The following PCM1 variants were observed in gnomAD, a reference collection of about 807,000 sequenced individuals.
PCM1 encodes pericentriolar material 1 protein.
PCM1 carries 157 observed loss-of-function variants against 241.9 expected under a neutral mutation model. That is an observed-to-expected ratio of 0.65 (90% CI 0.57 to 0.74). The LOEUF (loss-of-function observed/expected upper bound fraction) is 0.74. Ranked by LOEUF, PCM1 falls within the 30% of genes least tolerant of loss-of-function variation. The probability of loss-of-function intolerance (pLI) is 0.00; values close to 1 mark genes in which losing one functional copy is unlikely to be tolerated. For missense variants in PCM1, 3,478 were observed against 2,360.1 expected (o/e 1.47, Z -9.81); for synonymous variants, 1,085 against 784.9 (o/e 1.38, Z -6.39).
In PCM1 at chr8:18,029,486, G is replaced by A. The variant is rs1372492236; in HGVS notation, c.*1824G>A. On this transcript the variant is annotated 3_prime_UTR_variant, in exon 39 of 39. Coordinates refer to ENST00000325083, the MANE Select transcript of PCM1 (RefSeq NM_006197.4). ...GTACTCAAGCCCAGCCTTACATACT[G>A]TGTTTCTCTCTCTGTCTGCATGCAT... 4.6e-6 allele frequency: 1 copy of A among 215,890 alleles called. No homozygotes were observed. Among genetic ancestry groups the A allele is most frequent in the African/African-American group, 2.3e-5 (1 of 44,374 alleles). The allele number at this position is 215,890 out of a possible 1,614,324, so 13.4% of individuals were successfully genotyped here. A position where few individuals can be genotyped will look rare whatever the true frequency, so the allele number is the denominator to read the frequency against.
intron 34 of PCM1, among the ~76,000 whole-genome samples, chr8:18,012,731 T>C (rs1405719492): frequency 1.3e-5 from 2 of 152,206 alleles, no homozygotes; most frequent in African/African-American, 2.4e-5. Flanking sequence ...TTTCTCTCCT[T>C]CTGTAATTAT....
At chr8:17,929,088 A>T (rs921147448) in intron 2 of PCM1, among the ~76,000 whole-genome samples, 2 of 152,100 alleles carry the variant, frequency 1.3e-5, no homozygotes, top group African/African-American at 4.8e-5. Flanking sequence ...TCTTCCTTCC[A>T]ATAATACATT....
chr8:17,968,762 G>GTGTGTGTGTGTGTGTATATA (rs373502456), intron 21 of PCM1, among the ~76,000 whole-genome samples: 17 of 136,732 alleles, frequency 1.2e-4, no homozygotes, highest in African/African-American at 4.7e-4. Context: ...GTGTGTGTGT[G>GTGTGTGTGTGTGTGTATATA]TATATATATA....
rs778245890 is a variant in PCM1, at chr8:17,940,027, G to A, written c.783+166G>A. 2.9e-5 allele frequency: 43 copies of A among 1,482,964 alleles called. No homozygotes were observed. In the South Asian group the frequency reaches 4.0e-4, roughly 14 times the overall value. 91.9% of individuals were successfully genotyped at this position (1,482,964 alleles called of 1,614,324 possible). On this transcript the variant is annotated intron_variant, in intron 6 of 38. Transcript: ENST00000325083. ...TTTTAATAGTTGTATGATTTATACC[G>A]CTAAAATATTTCAGGCTAGAGAAAA...
At chr8:17,963,943 A>G (rs549661470) in intron 17 of PCM1, among the ~76,000 whole-genome samples, 17 of 152,250 alleles carry the variant, frequency 1.1e-4, no homozygotes, top group African/African-American at 4.1e-4. Context: ...GGGTCCCAAT[A>G]TGCATTTTAC....
chr8:18,011,860 G>A (rs752750361), intron 34 of PCM1, 33 bp downstream of exon 34: 20 of 1,539,354 alleles, frequency 1.3e-5, no homozygotes, highest in African/African-American at 4.3e-5. Context: ...ACTTCCATCA[G>A]CCTTATTTTA....
chr8:17,988,210 A>G (rs199687468), intron 26 of PCM1, among the ~76,000 whole-genome samples: 9 of 46,262 alleles, frequency 1.9e-4, no homozygotes, highest in Non-Finnish European at 7.0e-4. Context: ...AACAGTAAAA[A>G]AAATGGTTTC....
intron 2 of PCM1, chr8:17,934,783 C>T (rs1436917607): frequency 6.6e-6 from 1 of 152,310 alleles, no homozygotes; most frequent in East Asian, 1.9e-4. Flanking sequence ...AGAAATCTTA[C>T]TTTCTGATGA....
At chr8:17,926,018 G>A (rs1413014001) in intron 2 of PCM1, 8 of 151,162 alleles carry the variant, frequency 5.3e-5, no homozygotes, top group Admixed American at 2.0e-4. Context: ...TTTTAAACTG[G>A]AAGACTAACA....
intron 35 of PCM1, among the ~76,000 whole-genome samples, chr8:18,014,268 C>G (rs2092893485): frequency 6.6e-6 from 1 of 151,972 alleles, no homozygotes; most frequent in South Asian, 2.1e-4. Context: ...GACAAAAATT[C>G]TGTCAAGAGC....
At chr8:17,967,991 A>G (rs1024501290) in intron 21 of PCM1, among the ~76,000 whole-genome samples, 9 of 151,798 alleles carry the variant, frequency 5.9e-5, no homozygotes, top group African/African-American at 2.2e-4. Flanking sequence ...CTTATAGTAC[A>G]GTGCCACGGG....
chr8:17,976,230 AAGT>A (rs1425537477), intron 23 of PCM1, among the ~76,000 whole-genome samples: 8 of 152,200 alleles, frequency 5.3e-5, no homozygotes, highest in African/African-American at 1.9e-4. Context: ...GCAGAGAAAA[AAGT>A]AGTCCAAGGT....
intron 24 of PCM1, among the ~76,000 whole-genome samples, chr8:17,985,222 T>C (rs904432671): frequency 6.6e-6 from 1 of 151,834 alleles, no homozygotes; most frequent in African/African-American, 2.4e-5. Context: ...GGTAATGTTA[T>C]TCATTAAAGT....
At chr8:17,955,958 A>C (rs1160615006) in intron 10 of PCM1, 2 of 381,208 alleles carry the variant, frequency 5.2e-6, no homozygotes, top group Non-Finnish European at 9.9e-6. Context: ...CTGTAGAATC[A>C]GACAGCCCTG....
At chr8:18,002,819 T>C (rs979110575) in intron 29 of PCM1, among the ~76,000 whole-genome samples, 16 of 121,724 alleles carry the variant, frequency 1.3e-4, no homozygotes, top group Admixed American at 7.2e-5. Flanking sequence ...ATTTCTCTGA[T>C]GGTCAGTGAT....
chr8:18,002,920 C>A (rs1156930153), intron 29 of PCM1, among the ~76,000 whole-genome samples: 1 of 152,138 alleles, frequency 6.6e-6, no homozygotes, highest in Admixed American at 6.5e-5. Context: ...TTTGACCTTT[C>A]AACTCTCCTA....
At chr8:17,995,108 A>T (rs957096654) in intron 29 of PCM1, among the ~76,000 whole-genome samples, 1 of 151,364 alleles carries the variant, frequency 6.6e-6, no homozygotes, top group Non-Finnish European at 1.5e-5. Flanking sequence ...GCCCAGACCA[A>T]TGTCCTGCAG....
At chr8:17,982,605 C>G (rs950008733) in intron 24 of PCM1, 8 of 152,350 alleles carry the variant, frequency 5.3e-5, no homozygotes, top group African/African-American at 1.7e-4. Context: ...AGCGATTCTC[C>G]TGCCTCAGCC....
chr8:17,967,319 T>C (rs2075250756), intron 21 of PCM1, 149 bp downstream of exon 21: 1 of 618,592 alleles, frequency 1.6e-6, no homozygotes, highest in Non-Finnish European at 2.7e-6. Context: ...TTTTTTTTTT[T>C]CTTTTTGAGG....
Sources: gnomAD v4.1 joint callset for allele counts (sites outside exome capture counted in the v4.1 genomes callset) on GRCh38, gnomAD v4.1.1 for gene constraint, MANE v1.5 for transcripts, NCBI Gene and HGNC (gene_info 2026-07-23, HGNC 2026-07-21) for gene names.